FBXO38: variants seen among roughly 807,000 people sequenced by gnomAD.
FBXO38 encodes F-box protein 38.
A neutral mutation model predicts 131.9 loss-of-function variants in FBXO38; 53 were observed. The observed-to-expected ratio is 0.40, with a 90% CI of 0.32 to 0.51. The LOEUF (loss-of-function observed/expected upper bound fraction) is 0.51. Among genes scored for constraint, FBXO38 ranks in the 20% least tolerant of loss-of-function variants. The pLI is 0.53. For synonymous variants in FBXO38, 452 were observed against 505.6 expected (o/e 0.89, Z 1.42); for missense variants, 1,076 against 1,475.6 (o/e 0.73, Z 4.44).
At chr5:148,396,578 GC>G (rs1475795503) in intron 2 of FBXO38, among the ~76,000 whole-genome samples, 1 of 152,108 alleles carries the variant, frequency 6.6e-6, no homozygotes, top group Non-Finnish European at 1.5e-5. Context: ...AGGTAAAATT[GC>G]ATCTAGGGAT....
intron 17 of FBXO38, among the ~76,000 whole-genome samples, chr5:148,436,475 G>C (rs899729348): frequency 6.6e-6 from 1 of 152,028 alleles, no homozygotes; most frequent in African/African-American, 2.4e-5. Flanking sequence ...TTTTTGATTA[G>C]GGTAAGTATA....
In FBXO38 at chr5:148,402,083, G is replaced by C; in HGVS notation, c.364G>C (p.Gly122Arg). 6.2e-7 allele frequency: 1 copy of C among 1,613,636 alleles called. No homozygotes were observed. The highest frequency in any genetic ancestry group is 8.5e-7 in the Non-Finnish European group (1 of 1,179,658). Residue 122 changes from glycine (G) to arginine (R), a missense_variant, in exon 4 of 22, where the codon GGC (glycine) becomes CGC (arginine). Transcript: ENST00000340253. ...ATACCTTGAGAGGCGAAGAGTAAGG[G>C]GCCATGAGGCTTTTAGCATTCCAGG... ...PRYLERRRVRGHEAFSIPGVL... is the reference protein window; with the variant it reads ...PRYLERRRVRRHEAFSIPGVL...
At chr5:148,407,654 G>A (rs1752515321) in intron 7 of FBXO38, among the ~76,000 whole-genome samples, 3 of 151,874 alleles carry the variant, frequency 2.0e-5, no homozygotes, top group South Asian at 4.2e-4. Context: ...GCCGGGCGCA[G>A]TGGCCCACGC....
At chr5:148,417,708 T>C (rs1315905425) in intron 12 of FBXO38, among the ~76,000 whole-genome samples, 2 of 152,242 alleles carry the variant, frequency 1.3e-5, no homozygotes, top group South Asian at 4.1e-4. Flanking sequence ...ATTTCATTTA[T>C]GTAATTATCT....
chr5:148,399,971 T>TAAA (rs1752050481), intron 3 of FBXO38, among the ~76,000 whole-genome samples: 1 of 151,722 alleles, frequency 6.6e-6, no homozygotes, highest in African/African-American at 2.4e-5. Flanking sequence ...CTGGAGGAGA[T>TAAA]AATTGTCTTG....
rs1286988303 is a variant in FBXO38, at chr5:148,417,031, T to C, written c.1445T>C (p.Ile482Thr). 1 of 1,613,850 alleles carries C rather than the reference T, an allele frequency of 6.2e-7. No individual in the cohort carries two copies. The highest frequency in any genetic ancestry group is 8.5e-7 in the Non-Finnish European group (1 of 1,179,828). Residue 482 changes from isoleucine (I) to threonine (T), a missense_variant, in exon 12 of 22, where the codon ATT (isoleucine) becomes ACT (threonine). Ile to Thr is a moderately conservative substitution (Grantham distance 89). This residue lies in a region of FBXO38 where 146 missense variants were observed against 274.3 expected (regional missense o/e 0.53). Coordinates refer to ENST00000340253, the MANE Select transcript of FBXO38 (RefSeq NM_205836.3). ...GTTGGTCTGAGTGCAGGCACAGGAATTGGTGTTTCATCAGCTCTTGTTAGC... is the reference window on the plus strand; with the variant it reads ...GTTGGTCTGAGTGCAGGCACAGGAACTGGTGTTTCATCAGCTCTTGTTAGC... ...ARVGLSAGTG[I>T]GVSSALVSNQ...
chr5:148,431,977 A>T (rs2113643807), intron 15 of FBXO38, among the ~76,000 whole-genome samples: 1 of 152,320 alleles, frequency 6.6e-6, no homozygotes, highest in South Asian at 2.1e-4. Context: ...TTGGTGTGTA[A>T]AAAAATCACT....
intron 3 of FBXO38, chr5:148,399,373 T>C (rs1166910529): frequency 2.1e-6 from 1 of 477,188 alleles, no homozygotes; most frequent in Non-Finnish European, 3.8e-6. Context: ...ATCAGCCTGT[T>C]CCACACATCT....
intron 12 of FBXO38, among the ~76,000 whole-genome samples, chr5:148,420,354 T>G (rs1483614822): frequency 6.6e-6 from 1 of 152,140 alleles, no homozygotes; most frequent in Non-Finnish European, 1.5e-5. Context: ...CTCAAACTCT[T>G]GGCCTTAAGT....
chr5:148,396,435 T>A (rs1758483439), intron 2 of FBXO38, among the ~76,000 whole-genome samples: 1 of 152,148 alleles, frequency 6.6e-6, no homozygotes, highest in Admixed American at 6.5e-5. Context: ...GGTGGACTAT[T>A]CAGCAATGAT....
At chr5:148,418,603 T>C (rs966839659) in intron 12 of FBXO38, among the ~76,000 whole-genome samples, 2 of 152,178 alleles carry the variant, frequency 1.3e-5, no homozygotes, top group Non-Finnish European at 2.9e-5. Context: ...GTATTGTCTC[T>C]TTGCTTTGTT....
At chr5:148,422,895 G>A (rs1012796462) in intron 12 of FBXO38, among the ~76,000 whole-genome samples, 2 of 152,162 alleles carry the variant, frequency 1.3e-5, no homozygotes, top group African/African-American at 4.8e-5. Context: ...CTGGGGCCCA[G>A]GCTACCTTTT....
At position 148,427,222 on chromosome 5, in the gene FBXO38, A is replaced by G. The variant is rs200053204; in HGVS notation, c.1928A>G (p.Lys643Arg). The G allele has an allele frequency of 1.3e-6, 2 of 1,582,662 alleles. No individual in the cohort carries two copies. The highest frequency in any genetic ancestry group is 1.1e-5 in the South Asian group (1 of 87,092). The change falls in exon 15 of 22, where the codon AAA becomes AGA. Residue 643 changes from lysine (K) to arginine (R), a missense_variant. Transcript: ENST00000340253. The stretch of plus-strand genomic sequence containing the variant: ...CTTTTTCTATAAGCAGTAAGTGGAA[A>G]AGGCAAGACTCCACTTCGAAAGAGG... The part of the protein sequence containing the change: ...VQSRELSVSG[K>R]GKTPLRKRYN...
chr5:148,392,550 A>G (rs1758249517), intron 1 of FBXO38, among the ~76,000 whole-genome samples: 1 of 150,430 alleles, frequency 6.6e-6, no homozygotes, highest in African/African-American at 2.5e-5. Context: ...TAAGAAGTAG[A>G]GTTGGAAATT....
At position 148,402,480 on chromosome 5, in the gene FBXO38, A is replaced by G. The variant is rs765594916; in HGVS notation, c.559A>G (p.Ile187Val). ...TCCTGAAAATAAACTGAAAATTCCT[A>G]TAGGAGCCAAAATTCAAACTTTACA... ...IPPENKLKIP[I>V]GAKIQTLHLV... Residue 187 changes from isoleucine (I) to valine (V), a missense_variant, in exon 5 of 22, where the codon ATA (isoleucine) becomes GTA (valine). Ile to Val is a conservative substitution (Grantham distance 29). Coordinates refer to ENST00000340253, the MANE Select transcript of FBXO38 (RefSeq NM_205836.3). The G allele has an allele frequency of 1.2e-6, 2 of 1,611,586 alleles. No individual in the cohort carries two copies. Among genetic ancestry groups the G allele is most frequent in the Non-Finnish European group, 1.7e-6 (2 of 1,178,916 alleles).
intron 2 of FBXO38, among the ~76,000 whole-genome samples, chr5:148,397,878 A>G (rs1404940985): frequency 2.0e-5 from 3 of 152,188 alleles, no homozygotes; most frequent in Non-Finnish European, 1.5e-5. Flanking sequence ...CCAGCAGATA[A>G]CAGAAAATAC....
rs780112633 is a variant in FBXO38, at chr5:148,414,456, A to T, written c.1264+150A>T. The stretch of plus-strand genomic sequence containing the variant: ...CATACAAGTTCTGGTAACCTTTGAT[A>T]ACCAAGTTGGAAGTATATTCAATGC... On this transcript the variant is annotated intron_variant, in intron 10 of 21. Coordinates refer to ENST00000340253, the MANE Select transcript of FBXO38 (RefSeq NM_205836.3). The T allele has an allele frequency of 4.2e-4, 298 of 717,978 alleles. 1 individual carries two copies. Among genetic ancestry groups the T allele is most frequent in the Middle Eastern group, 2.5e-3 (6 of 2,422 alleles). The allele number at this position is 717,978 out of a possible 1,614,324, so 44.5% of individuals were successfully genotyped here. A position where few individuals can be genotyped will look rare whatever the true frequency, so the allele number is the denominator to read the frequency against.
chr5:148,389,185 A>G (rs1758068459), intron 1 of FBXO38, among the ~76,000 whole-genome samples: 1 of 152,204 alleles, frequency 6.6e-6, no homozygotes, highest in African/African-American at 2.4e-5. Flanking sequence ...CTCCAAAACA[A>G]TTAAAGTAGT....
At chr5:148,416,411 G>A (rs1274839573) in intron 11 of FBXO38, among the ~76,000 whole-genome samples, 1 of 152,140 alleles carries the variant, frequency 6.6e-6, no homozygotes, top group Non-Finnish European at 1.5e-5. Flanking sequence ...AATTAGGTTG[G>A]TAGATTAAAT....
Sources: gnomAD v4.1 joint callset for allele counts (sites outside exome capture counted in the v4.1 genomes callset) on GRCh38, gnomAD v4.1.1 for gene constraint, gnomAD v4.1.1 regional missense constraint, MANE v1.5 for transcripts, NCBI Gene and HGNC (gene_info 2026-07-23, HGNC 2026-07-21) for gene names.